Variants in NGF observed in about 807,000 individuals in gnomAD.
The protein encoded by NGF is beta-nerve growth factor.
Under a neutral mutation model 12.8 loss-of-function variants are expected in NGF, and 4 were observed. That is an observed-to-expected ratio of 0.31 (90% CI 0.15 to 0.72). The LOEUF (loss-of-function observed/expected upper bound fraction) is 0.72, where lower values mean the gene tolerates loss of function less well. Ranked by LOEUF, NGF falls within the 30% of genes least tolerant of loss-of-function variation. The pLI is 0.69. For missense variants in NGF, 283 were observed against 330.8 expected, an observed-to-expected ratio of 0.86 and a Z score of 1.12; for synonymous variants, 140 against 130.0, an observed-to-expected ratio of 1.08 and a Z score of -0.52.
chr1:115,310,579 A>G (rs962227317), intron 1 of NGF, among the ~76,000 whole-genome samples: 6 of 152,188 alleles, frequency 3.9e-5, no homozygotes, highest in Admixed American at 3.9e-4. Flanking sequence ...GTCAAGTTAC[A>G]GTCTTACCAT....
intron 1 of NGF, among the ~76,000 whole-genome samples, chr1:115,300,783 T>A (rs546619812): frequency 6.6e-6 from 1 of 152,232 alleles, no homozygotes; most frequent in Non-Finnish European, 1.5e-5. Context: ...AAGAATTTAC[T>A]TCCATGAGTG....
chr1:115,306,992 G>A (rs879534833), intron 1 of NGF, among the ~76,000 whole-genome samples: 14 of 152,176 alleles, frequency 9.2e-5, no homozygotes, highest in South Asian at 4.1e-4. Flanking sequence ...GCTGATTCCC[G>A]TTAGGAGCCA....
chr1:115,327,430 T>A (rs1271499408), intron 1 of NGF, among the ~76,000 whole-genome samples: 1 of 152,196 alleles, frequency 6.6e-6, no homozygotes, highest in Non-Finnish European at 1.5e-5. Context: ...TGCTGACACA[T>A]GGGCATGAAA....
chr1:115,312,747 C>T (rs1654368198), intron 1 of NGF, among the ~76,000 whole-genome samples: 1 of 152,074 alleles, frequency 6.6e-6, no homozygotes, highest in African/African-American at 2.4e-5. Context: ...TTAATATTGA[C>T]CTTGAAGTCA....
chr1:115,329,744 C>CTTTTTTTTTTTTTT (rs1039991768), intron 1 of NGF, among the ~76,000 whole-genome samples: 13 of 103,984 alleles, frequency 1.3e-4, no homozygotes, highest in East Asian at 6.1e-4. Context: ...TTCTTTCTTT[C>CTTTTTTTTTTTTTT]TTTTTTTTTT....
intron 1 of NGF, among the ~76,000 whole-genome samples, chr1:115,298,318 C>G (rs1218685796): frequency 6.6e-6 from 1 of 152,118 alleles, no homozygotes; most frequent in Non-Finnish European, 1.5e-5. Flanking sequence ...TTTTTCCCCC[C>G]AAAAGAACTC....
intron 1 of NGF, among the ~76,000 whole-genome samples, chr1:115,326,198 A>G (rs549692590): frequency 6.6e-6 from 1 of 152,208 alleles, no homozygotes; most frequent in African/African-American, 2.4e-5. Context: ...GAGGAGGACT[A>G]ATGAGGGAGA....
chr1:115,312,279 A>G (rs988952226), intron 1 of NGF, among the ~76,000 whole-genome samples: 10 of 152,196 alleles, frequency 6.6e-5, no homozygotes, highest in African/African-American at 2.4e-4. Context: ...TTAGAACTGC[A>G]AAACTGAAAA....
intron 2 of NGF, among the ~76,000 whole-genome samples, chr1:115,291,066 A>C (rs1653681012): frequency 6.6e-6 from 1 of 152,240 alleles, no homozygotes; most frequent in Non-Finnish European, 1.5e-5. Context: ...TCAAGATACC[A>C]AATGGTATCA....
intron 1 of NGF, among the ~76,000 whole-genome samples, chr1:115,322,565 A>G (rs540588550): frequency 6.6e-6 from 1 of 152,222 alleles, no homozygotes; most frequent in South Asian, 2.1e-4. Flanking sequence ...CCCAGGTTGG[A>G]CCTGTCTAAA....
intron 1 of NGF, among the ~76,000 whole-genome samples, chr1:115,305,979 A>G (rs960187164): frequency 6.6e-6 from 1 of 152,200 alleles, no homozygotes; most frequent in African/African-American, 2.4e-5. Context: ...GAAACTGTTA[A>G]TATTTCCATT....
Position 115,337,267 on chromosome 1 carries a change from GTTTTTTTTTTT to G in NGF, c.-137+926_-137+936del, listed in dbSNP as rs67307707. ...TCGAAATTTTTTTTGTTTTGTTTTT[GTTTTTTTTTTT>G]TTTTTTTTTTTTTTTTTTTTTTTTT... On this transcript the variant is annotated intron_variant, in intron 1 of 2. Transcript: ENST00000369512. Among the ~76,000 whole-genome samples, 185 of 81,030 alleles carry G rather than the reference GTTTTTTTTTTT, an allele frequency of 2.3e-3. 11 individuals are homozygous for G. Among genetic ancestry groups the G allele is most frequent in the African/African-American group, 6.0e-3 (114 of 18,894 alleles). 53.2% of individuals were successfully genotyped at this position (81,030 alleles called of 152,430 possible). A position where few individuals can be genotyped will look rare whatever the true frequency, so the allele number is the denominator to read the frequency against.
intron 1 of NGF, among the ~76,000 whole-genome samples, chr1:115,307,701 A>G (rs897711895): frequency 1.2e-4 from 19 of 152,266 alleles, no homozygotes; most frequent in African/African-American, 3.6e-4. Context: ...AATTTAGTCT[A>G]TTAGAATATG....
At chr1:115,288,882 G>A (rs1484690322) in intron 2 of NGF, among the ~76,000 whole-genome samples, 1 of 152,184 alleles carries the variant, frequency 6.6e-6, no homozygotes, top group African/African-American at 2.4e-5. Context: ...TTTGGCCTTT[G>A]TGCATATGGC....
At chr1:115,330,858 G>A (rs2101055347) in intron 1 of NGF, among the ~76,000 whole-genome samples, 1 of 152,222 alleles carries the variant, frequency 6.6e-6, no homozygotes, top group Non-Finnish European at 1.5e-5. Flanking sequence ...TGTCTATACA[G>A]CCTCCTGGAG....
chr1:115,311,393 C>T (rs1358638012), intron 1 of NGF, among the ~76,000 whole-genome samples: 1 of 152,152 alleles, frequency 6.6e-6, no homozygotes, highest in African/African-American at 2.4e-5. Flanking sequence ...AGTAAACAGA[C>T]AGCACCTCTG....
At chr1:115,307,220 G>C (rs1469385699) in intron 1 of NGF, among the ~76,000 whole-genome samples, 1 of 152,192 alleles carries the variant, frequency 6.6e-6, no homozygotes, top group East Asian at 1.9e-4. Flanking sequence ...AACTGAAATA[G>C]TAGGAAGAGA....
At chr1:115,334,601 C>T (rs1655060150) in intron 1 of NGF, among the ~76,000 whole-genome samples, 1 of 152,098 alleles carries the variant, frequency 6.6e-6, no homozygotes, top group East Asian at 1.9e-4. Context: ...TTCTGGAGCC[C>T]CAGTTTGATG....
chr1:115,299,069 T>C (rs1324470167), intron 1 of NGF, among the ~76,000 whole-genome samples: 6 of 152,172 alleles, frequency 3.9e-5, no homozygotes, highest in Non-Finnish European at 7.4e-5. Context: ...GAGCTCTTTT[T>C]TGAGGGAAAA....
Sources: allele counts gnomAD v4.1 joint callset (sites outside exome capture counted in the v4.1 genomes callset), GRCh38; gene constraint gnomAD v4.1.1; transcripts MANE v1.5; gene names NCBI Gene and HGNC (gene_info 2026-07-23, HGNC 2026-07-21).